MICU3: variants seen among roughly 807,000 people sequenced by gnomAD.
MICU3 encodes calcium uptake protein 3, mitochondrial.
In MICU3, 62 loss-of-function variants were observed where a neutral mutation model predicts 66.5. The observed-to-expected ratio is 0.93, with a 90% confidence interval of 0.76 to 1.15. The LOEUF is 1.15. Ranked by LOEUF, MICU3 falls within the 50% of genes most tolerant of loss-of-function variation. MICU3 has a pLI of 0.00. For missense variants in MICU3, 779 were observed against 664.4 expected (o/e 1.17, Z -1.90); for synonymous variants, 308 against 240.7 (o/e 1.28, Z -2.59).
chr8:17,076,489 C>G (rs1216277301), intron 3 of MICU3, among the ~76,000 whole-genome samples: 2 of 152,136 alleles, frequency 1.3e-5, no homozygotes, highest in Non-Finnish European at 2.9e-5. Flanking sequence ...CTGCTGGCAT[C>G]TTTTACCTGC....
intron 1 of MICU3, among the ~76,000 whole-genome samples, chr8:17,030,452 G>A (rs1811823113): frequency 1.3e-5 from 2 of 152,070 alleles, no homozygotes; most frequent in African/African-American, 4.8e-5. Context: ...ACAAAAAATA[G>A]GAGAGATGAG....
intron 3 of MICU3, among the ~76,000 whole-genome samples, chr8:17,075,785 TGAG>T (rs1424956957): frequency 6.6e-6 from 1 of 152,046 alleles, no homozygotes; most frequent in Non-Finnish European, 1.5e-5. Flanking sequence ...ATATGCATAA[TGAG>T]GATTGTTTTT....
chr8:17,102,018 C>A (rs543614801), intron 9 of MICU3, among the ~76,000 whole-genome samples: 2 of 151,880 alleles, frequency 1.3e-5, no homozygotes, highest in Non-Finnish European at 2.9e-5. Flanking sequence ...ATAGTAATAT[C>A]CTCGAGAGAT....
At chr8:17,045,610 AC>A in intron 1 of MICU3, among the ~76,000 whole-genome samples, 1 of 152,310 alleles carries the variant, frequency 6.6e-6, no homozygotes, top group Admixed American at 6.5e-5. Flanking sequence ...AGGGTGGCAT[AC>A]CCGGGCTGGC....
intron 1 of MICU3, among the ~76,000 whole-genome samples, chr8:17,052,141 C>G (rs1488627950): frequency 6.6e-6 from 1 of 152,004 alleles, no homozygotes; most frequent in Non-Finnish European, 1.5e-5. Context: ...TGTGAAAGTA[C>G]TTTATAAACT....
intron 10 of MICU3, among the ~76,000 whole-genome samples, chr8:17,104,994 C>CAAAAA (rs746149322): frequency 4.6e-4 from 4 of 8,714 alleles, no homozygotes; most frequent in Non-Finnish European, 6.3e-4. Context: ...GACTCCGTCT[C>CAAAAA]AAAAAAAAAA....
intron 3 of MICU3, among the ~76,000 whole-genome samples, chr8:17,076,924 GACTA>G (rs1585365271): frequency 6.6e-6 from 1 of 152,166 alleles, no homozygotes; most frequent in Non-Finnish European, 1.5e-5. Context: ...TTTCTAAGCA[GACTA>G]ACTTTGTTGT....
chr8:17,052,536 A>G (rs1212434915), intron 1 of MICU3, among the ~76,000 whole-genome samples: 2 of 152,160 alleles, frequency 1.3e-5, no homozygotes, highest in Admixed American at 1.3e-4. Context: ...TAGTCTGGTA[A>G]CTATCGTTGT....
At chr8:17,079,802 A>G (rs943334490) in intron 4 of MICU3, among the ~76,000 whole-genome samples, 1 of 152,074 alleles carries the variant, frequency 6.6e-6, no homozygotes, top group African/African-American at 2.4e-5. Context: ...GCTAAAGACT[A>G]ATTTTAAAAT....
At chr8:17,034,369 TCTG>T (rs757600269) in intron 1 of MICU3, among the ~76,000 whole-genome samples, 5 of 152,262 alleles carry the variant, frequency 3.3e-5, no homozygotes, top group African/African-American at 7.2e-5. Flanking sequence ...TGTTTTTATG[TCTG>T]CTAACACAGT....
At chr8:17,064,881 C>A (rs1818447324) in intron 2 of MICU3, among the ~76,000 whole-genome samples, 1 of 152,100 alleles carries the variant, frequency 6.6e-6, no homozygotes, top group South Asian at 2.1e-4. Flanking sequence ...TAGGTACTCT[C>A]CTTTGATACT....
Position 17,051,430 on chromosome 8 carries a change from C to A in MICU3, c.382-12654C>A, listed in dbSNP as rs371066048. Reference sequence around the variant, plus strand: ...AATTTATATTGTGGAATGCAGGAGACAAATTTTGTATTTCTCAGCATATTT... The same window carrying A: ...AATTTATATTGTGGAATGCAGGAGAAAAATTTTGTATTTCTCAGCATATTT... On this transcript the variant is annotated intron_variant, in intron 1 of 14. Transcript: ENST00000318063. Among the ~76,000 whole-genome samples the A allele has an allele frequency of 2.0e-5, 3 of 152,156 alleles. No homozygotes were observed. The East Asian group carries it at 5.8e-4, about 29-fold the overall frequency.
chr8:17,113,740 C>G (rs1449207909), intron 11 of MICU3, among the ~76,000 whole-genome samples: 1 of 149,600 alleles, frequency 6.7e-6, no homozygotes, highest in African/African-American at 2.5e-5. Flanking sequence ...TCTTTATTAT[C>G]ATATTTACCT....
chr8:17,096,955 TTGTGTGTGTGTGTGTGTG>T lies in MICU3; in HGVS notation c.889-1478_889-1461del, dbSNP rs3988378. ...AGTTCTTAATACGTTCTAAATATATTTGTGTGTGTGTGTGTGTGTGTGTGTGTGTGTGTGTGTGTGTGA... is the reference window on the plus strand; with the variant it reads ...AGTTCTTAATACGTTCTAAATATATTTGTGTGTGTGTGTGTGTGTGTGTGA... On this transcript the variant is annotated intron_variant, in intron 8 of 14. Transcript: ENST00000318063. 4.9e-5 allele frequency among the ~76,000 whole-genome samples: 7 copies of T among 141,650 alleles called. 1 individual carries two copies. Among genetic ancestry groups the T allele is most frequent in the Non-Finnish European group, 3.1e-5 (2 of 64,582 alleles). The allele number at this position is 141,650 out of a possible 152,430, so 92.9% of individuals were successfully genotyped here. A position where few individuals can be genotyped will look rare whatever the true frequency, so the allele number is the denominator to read the frequency against.
chr8:17,081,776 C>A, intron 5 of MICU3, 36 bp downstream of exon 5: 1 of 861,854 alleles, frequency 1.2e-6, no homozygotes, highest in Non-Finnish European at 1.8e-6. Context: ...CTGGATGCAG[C>A]TTTATTTTTT....
chr8:17,138,302 A>T, the MICU3 span, among the ~76,000 whole-genome samples: 1 of 152,114 alleles, frequency 6.6e-6, no homozygotes, highest in Admixed American at 6.6e-5. Flanking sequence ...TAATAGCAAG[A>T]TGTTATAATG....
the MICU3 span, among the ~76,000 whole-genome samples, chr8:17,134,542 T>A: frequency 6.6e-6 from 1 of 152,140 alleles, no homozygotes; most frequent in African/African-American, 2.4e-5. Context: ...CCTCCCAGGT[T>A]CATACCATTC....
chr8:17,075,877 T>TA (rs1326734867), intron 3 of MICU3, among the ~76,000 whole-genome samples: 3 of 150,696 alleles, frequency 2.0e-5, no homozygotes, highest in Non-Finnish European at 4.4e-5. Context: ...TTTTCAGTCT[T>TA]ACACTGTAGC....
At chr8:17,044,546 T>A (rs1020076792) in intron 1 of MICU3, among the ~76,000 whole-genome samples, 1 of 152,136 alleles carries the variant, frequency 6.6e-6, no homozygotes, top group African/African-American at 2.4e-5. Context: ...GAAAAATTGG[T>A]GAAAACATTG....
Sources: gnomAD v4.1 joint callset for allele counts (sites outside exome capture counted in the v4.1 genomes callset) on GRCh38, gnomAD v4.1.1 for gene constraint, MANE v1.5 for transcripts, NCBI Gene and HGNC (gene_info 2026-07-23, HGNC 2026-07-21) for gene names.